HJV: variants seen among roughly 807,000 people sequenced by gnomAD.
The protein encoded by HJV is hemojuvelin.
HJV carries 18 observed loss-of-function variants against 22.7 expected under a neutral mutation model. The ratio of observed to expected loss-of-function variants is 0.79; its 90% CI spans 0.55 to 1.18. HJV has a LOEUF of 1.18. HJV is among the 50% of genes most tolerant of loss of function. The pLI is 0.00. For synonymous variants in HJV, 229 were observed against 222.7 expected, an observed-to-expected ratio of 1.03 and a Z score of -0.25; for missense variants, 572 against 553.0, an observed-to-expected ratio of 1.03 and a Z score of -0.34.
chr1:146,018,003 G>T lies in HJV; in HGVS notation c.*74C>A. 6.5e-7 allele frequency: 1 copy of T among 1,533,512 alleles called. No individual in the cohort carries two copies. Among genetic ancestry groups the T allele is most frequent in the Non-Finnish European group, 9.0e-7 (1 of 1,109,914 alleles). The allele number at this position is 1,533,512 out of a possible 1,614,324, so 95.0% of individuals were successfully genotyped here. On this transcript the variant is annotated 3_prime_UTR_variant, in exon 4 of 4. Coordinates refer to ENST00000336751, the MANE Select transcript of HJV (RefSeq NM_213653.4). ...TCTCCTAGGCCCTGCTTCCTTTAAT[G>T]ATTCTTTACATTCTTCTATGCCAAT... is the stretch of plus-strand genomic sequence containing the variant.
chr1:146,019,836 G>A, intron 2 of HJV, 102 bp from the exon 3 acceptor site: 1 of 1,591,388 alleles, frequency 6.3e-7, no homozygotes, highest in Non-Finnish European at 8.6e-7. Context: ...GGGGTTTCCA[G>A]CCTTCCTAAA....
intron 3 of HJV, 105 bp from the exon 4 acceptor site, chr1:146,018,805 C>G: frequency 8.5e-7 from 1 of 1,173,194 alleles, no homozygotes; most frequent in Admixed American, 1.7e-5. Context: ...AGATGCAGGA[C>G]TACTATGGCC....
rs587717534 is a variant in HJV at position 146,020,290 on chromosome 1, A to C, written c.-59T>G. On this transcript the variant is annotated 5_prime_UTR_variant, in exon 2 of 4. Transcript: ENST00000336751. Reference sequence around the variant, plus strand: ...TTCCCAGCTGATGACCCTCCTACCTAGTGAATTTTGACCGGAAGCCCTGTA... The same window carrying C: ...TTCCCAGCTGATGACCCTCCTACCTCGTGAATTTTGACCGGAAGCCCTGTA... 16 of 1,113,920 alleles carry C rather than the reference A, an allele frequency of 1.4e-5. No homozygotes were observed. The African/African-American group carries it at 2.3e-4, about 16-fold the overall frequency. 69.0% of individuals were successfully genotyped at this position (1,113,920 alleles called of 1,614,324 possible). A position where few individuals can be genotyped will look rare whatever the true frequency, so the allele number is the denominator to read the frequency against.
In HJV at chr1:146,018,206, G is replaced by A. The variant is rs782451911; in HGVS notation, c.1152C>T (p.Ala384=). 9 of 1,614,130 alleles carry A rather than the reference G, an allele frequency of 5.6e-6. No homozygotes were observed. Residue 384 remains alanine, a synonymous_variant, in exon 4 of 4, where the codon GCC becomes GCT. Coordinates refer to ENST00000336751, the MANE Select transcript of HJV (RefSeq NM_213653.4). ...TCTCTAAGTCTGGCAGGAAGGCTCG[G>A]GCATCCTCCAGTGCTGCCTGAGCTG... The part of the protein sequence containing the change: ...TVAAQAALED[A]RAFLPDLEKL...
chr1:146,019,176 T>C lies in HJV; in HGVS notation c.656A>G (p.Lys219Arg). 6.2e-7 allele frequency: 1 copy of C among 1,613,634 alleles called. No individual in the cohort carries two copies. Among genetic ancestry groups the C allele is most frequent in the Non-Finnish European group, 8.5e-7 (1 of 1,179,536 alleles). The change falls in exon 3 of 4, where the codon AAG (lysine) becomes AGG (arginine). Residue 219 changes from lysine (K) to arginine (R), a missense_variant and splice_region_variant. Coordinates refer to ENST00000336751, the MANE Select transcript of HJV (RefSeq NM_213653.4). ...ALGANATATR[K>R]LTIIFKNMQE... is the part of the protein sequence containing the mutation. The stretch of plus-strand genomic sequence containing the variant: ...CGGAAGGAAGATTGAGTGCCTGACC[T>C]TCCGGGTGGCGGTAGCGTTGGCCCC...
Position 146,018,018 on chromosome 1 carries a change from T to A in HJV, c.*59A>T. On this transcript the variant is annotated 3_prime_UTR_variant, in exon 4 of 4. Transcript: ENST00000336751. ...TTCCTTTAATGATTCTTTACATTCT[T>A]CTATGCCAATCTGTATCTCCAAATC... 6.4e-7 allele frequency: 1 copy of A among 1,573,776 alleles called. No individual in the cohort carries two copies. The highest frequency in any genetic ancestry group is 1.1e-5 in the South Asian group (1 of 89,692).
Position 146,020,326 on chromosome 1 carries a change from A to T in HJV, c.-89-6T>A. 1 of 828,042 alleles carries T rather than the reference A, an allele frequency of 1.2e-6. No homozygotes were observed. Among genetic ancestry groups the T allele is most frequent in the Non-Finnish European group, 2.1e-6 (1 of 466,316 alleles). The allele number at this position is 828,042 out of a possible 1,614,324, so 51.3% of individuals were successfully genotyped here. ...ACCGGAAGCCCTGTAAGTGACTGAA[A>T]AAAGAAATTTGGCTGGACATGGAGA... On this transcript the variant is annotated splice_region_variant and splice_polypyrimidine_tract_variant and intron_variant, in intron 1 of 3. Coordinates refer to ENST00000336751, the MANE Select transcript of HJV (RefSeq NM_213653.4).
In HJV at chr1:146,018,021, A is replaced by C. The variant is rs950663197; in HGVS notation, c.*56T>G. The C allele has an allele frequency of 2.5e-6, 4 of 1,578,448 alleles. No individual in the cohort carries two copies. Among genetic ancestry groups the C allele is most frequent in the Non-Finnish European group, 3.5e-6 (4 of 1,148,796 alleles). ...CTTTAATGATTCTTTACATTCTTCTATGCCAATCTGTATCTCCAAATCATT... is the reference window on the plus strand; with the variant it reads ...CTTTAATGATTCTTTACATTCTTCTCTGCCAATCTGTATCTCCAAATCATT... On this transcript the variant is annotated 3_prime_UTR_variant, in exon 4 of 4. Transcript: ENST00000336751.
Position 146,019,544 on chromosome 1 carries a change from G to C in HJV, c.288C>G (p.Thr96=). 1.2e-6 allele frequency: 2 copies of C among 1,612,938 alleles called. No individual in the cohort carries two copies. Among genetic ancestry groups the C allele is most frequent in the South Asian group, 1.1e-5 (1 of 91,078 alleles). The change falls in exon 3 of 4, where the codon ACC becomes ACG. Residue 96 remains threonine, a synonymous_variant. Transcript: ENST00000336751. ...YALCTRRTAR[T]CRGDLAFHSA... The stretch of plus-strand genomic sequence containing the variant: ...AATGGAAGGCGAGGTCCCCGCGGCA[G>C]GTGCGGGCGGTGCGCCGAGTGCAGA...
In HJV at chr1:146,019,550, G is replaced by T; in HGVS notation, c.282C>A (p.Ala94=). Residue 94 remains alanine (A), a synonymous_variant, in exon 3 of 4, where the codon GCC becomes GCA. Coordinates refer to ENST00000336751, the MANE Select transcript of HJV (RefSeq NM_213653.4). The part of the protein sequence containing the change: ...RSYALCTRRT[A]RTCRGDLAFH... ...AGGCGAGGTCCCCGCGGCAGGTGCG[G>T]GCGGTGCGCCGAGTGCAGAGCGCAT... 6.2e-7 allele frequency: 1 copy of T among 1,613,026 alleles called. No homozygotes were observed. The highest frequency in any genetic ancestry group is 8.5e-7 in the Non-Finnish European group (1 of 1,179,960).
Position 146,017,915 on chromosome 1 carries a change from G to A in HJV, c.*162C>T. On this transcript the variant is annotated 3_prime_UTR_variant, in exon 4 of 4. Transcript: ENST00000336751. ...TAACCTTGCCCAGAATCCTTATTCT[G>A]TGATAATTTCAACCCTGGACTGCAG... 1 of 782,438 alleles carries A rather than the reference G, an allele frequency of 1.3e-6. No individual in the cohort carries two copies. Among genetic ancestry groups the A allele is most frequent in the Non-Finnish European group, 2.1e-6 (1 of 480,868 alleles). 48.5% of individuals were successfully genotyped at this position (782,438 alleles called of 1,614,324 possible).
rs782498101 is a variant in HJV at position 146,019,391 on chromosome 1, A to G, written c.441T>C (p.Pro147=). 5.6e-6 allele frequency: 9 copies of G among 1,613,584 alleles called. No individual in the cohort carries two copies. The highest frequency in any genetic ancestry group is 6.8e-6 in the Non-Finnish European group (8 of 1,179,952). ...GGGAAAACCGGCCTTCATAGTCACA[A>G]GGGTCCGGGGCAGGGAGGCCGGAGC... is the stretch of plus-strand genomic sequence containing the variant. The part of the protein sequence containing the change: ...GAGSGLPAPD[P]CDYEGRFSRL... Residue 147 remains proline (P), a synonymous_variant, in exon 3 of 4, where the codon CCT becomes CCC. Coordinates refer to ENST00000336751, the MANE Select transcript of HJV (RefSeq NM_213653.4).
At position 146,018,347 on chromosome 1, in the gene HJV, A is replaced by T. The variant is rs1307544392; in HGVS notation, c.1011T>A (p.Ala337=). 3 of 1,614,144 alleles carry T rather than the reference A, an allele frequency of 1.9e-6. No homozygotes were observed. The highest frequency in any genetic ancestry group is 2.5e-6 in the Non-Finnish European group (3 of 1,180,024). The change falls in exon 4 of 4, where the codon GCT becomes GCA. Residue 337 remains alanine, a synonymous_variant. Coordinates refer to ENST00000336751, the MANE Select transcript of HJV (RefSeq NM_213653.4). ...GCCGTCTGGCAGTATCAATGGTTAT[A>T]GCTCCCCGACGATTGCGCTCTGATC... ...LSRSERNRRG[A]ITIDTARRLC...
rs145251582 is a variant in HJV at position 146,018,213 on chromosome 1, T to G, written c.1145A>C (p.Glu382Ala). 1 of 1,614,022 alleles carries G rather than the reference T, an allele frequency of 6.2e-7. No homozygotes were observed. Among genetic ancestry groups the G allele is most frequent in the African/African-American group, 1.3e-5 (1 of 74,916 alleles). ...GTCTGGCAGGAAGGCTCGGGCATCC[T>G]CCAGTGCTGCCTGAGCTGCCACGGT... ...NFTVAAQAAL[E>A]DARAFLPDLE... Residue 382 changes from glutamate to alanine, a missense_variant, in exon 4 of 4, where the codon GAG (glutamate) becomes GCG (alanine). By Grantham distance (107) the Glu-to-Ala change is moderately radical. Coordinates refer to ENST00000336751, the MANE Select transcript of HJV (RefSeq NM_213653.4).
At position 146,018,264 on chromosome 1, in the gene HJV, AC is replaced by A. The variant is rs1340709743; in HGVS notation, c.1093del (p.Val365PhefsTer2). On this transcript the variant is annotated frameshift_variant, in exon 4 of 4. Transcript: ENST00000336751. LOFTEE classifies it high-confidence loss of function. ...DAYFHSCVFD[V>X]LISGDPNFTV... ...AAAGTTGGGATCACCAGAAATTAAA[AC>A]ATCAAAGACACAGGAATGGAAGTAA... The A allele has an allele frequency of 6.2e-7, 1 of 1,614,080 alleles. No homozygotes were observed. The highest frequency in any genetic ancestry group is 8.5e-7 in the Non-Finnish European group (1 of 1,180,040).
intron 3 of HJV, 45 bp from the exon 4 acceptor site, chr1:146,018,745 T>C: frequency 4.4e-6 from 7 of 1,603,990 alleles, no homozygotes; most frequent in Non-Finnish European, 6.0e-6. Flanking sequence ...GTTCAGTGCA[T>C]CTTCCCCCCA....
intron 3 of HJV, 116 bp downstream of exon 3, chr1:146,019,058 AG>A: frequency 1.1e-6 from 1 of 898,442 alleles, no homozygotes; most frequent in Non-Finnish European, 1.9e-6. Context: ...GATGGGGGAG[AG>A]GTTGAGGAAG....
chr1:146,019,553 G>C lies in HJV; in HGVS notation c.279C>G (p.Thr93=), dbSNP rs376826926. The part of the protein sequence containing the change: ...LRSYALCTRR[T]ARTCRGDLAF... ...CGAGGTCCCCGCGGCAGGTGCGGGC[G>C]GTGCGCCGAGTGCAGAGCGCATAGG... is the stretch of plus-strand genomic sequence containing the variant. Residue 93 remains threonine (T), a synonymous_variant, in exon 3 of 4, where the codon ACC becomes ACG. Transcript: ENST00000336751. 110 of 1,612,838 alleles carry C rather than the reference G, an allele frequency of 6.8e-5. No individual in the cohort carries two copies. The highest frequency in any genetic ancestry group is 9.2e-5 in the Non-Finnish European group (109 of 1,179,972).
At chr1:146,021,438 CAGAA>C (rs1485859479) in intron 1 of HJV, 145 bp downstream of exon 1, 8 of 152,628 alleles carry the variant, frequency 5.2e-5, no homozygotes, top group African/African-American at 1.4e-4. Context: ...AGAAATAAGA[CAGAA>C]AGAGAAATGG....
Sources: gnomAD v4.1 joint callset for allele counts on GRCh38, gnomAD v4.1.1 for gene constraint, MANE v1.5 for transcripts, NCBI Gene and HGNC (gene_info 2026-07-23, HGNC 2026-07-21) for gene names.